MAGI3: variants seen among roughly 807,000 people sequenced by gnomAD.
The protein encoded by MAGI3 is membrane-associated guanylate kinase, WW and PDZ domain-containing protein 3.
In MAGI3, 43 loss-of-function variants were observed where a neutral mutation model predicts 121.8. The ratio of observed to expected loss-of-function variants is 0.35; its 90% confidence interval spans 0.28 to 0.46. The LOEUF is 0.46. Among genes scored for constraint, MAGI3 ranks in the 20% least tolerant of loss-of-function variants. The pLI, the probability that MAGI3 is intolerant of heterozygous loss-of-function variation, is 1.00. For missense variants in MAGI3, 1,547 were observed against 1,797.3 expected (o/e 0.86, Z 2.52); for synonymous variants, 553 against 639.3 (o/e 0.86, Z 2.04).
At chr1:113,452,030 C>T (rs1003826795) in intron 1 of MAGI3, among the ~76,000 whole-genome samples, 13 of 152,114 alleles carry the variant, frequency 8.5e-5, no homozygotes, top group Non-Finnish European at 1.8e-4. Context: ...GCTGAAATGA[C>T]CACTTTTTGC....
At chr1:113,681,612 G>A (rs944349990) in intron 20 of MAGI3, among the ~76,000 whole-genome samples, 5 of 152,218 alleles carry the variant, frequency 3.3e-5, no homozygotes, top group Non-Finnish European at 7.3e-5. Flanking sequence ...TTAAAAAAGT[G>A]TATTAGAGGC....
intron 1 of MAGI3, among the ~76,000 whole-genome samples, chr1:113,439,561 T>A (rs1557758153): frequency 6.6e-6 from 1 of 152,186 alleles, no homozygotes; most frequent in Non-Finnish European, 1.5e-5. Context: ...TATACTGTAG[T>A]GTTTTATCAC....
rs775215022 is a variant in MAGI3 at position 113,549,595 on chromosome 1, G to A, written c.397G>A (p.Val133Met). ...ATCAATTGACCACAAACTGCAGCAA[G>A]TGATCAGAGATAATCTCTACTTGAG... Reference protein sequence around the residue: ...KGSIDHKLQQVIRDNLYLRTI... With the variant: ...KGSIDHKLQQMIRDNLYLRTI... The change falls in exon 2 of 21, where the codon GTG (valine) becomes ATG (methionine). Residue 133 changes from valine (V) to methionine (M), a missense_variant. By Grantham distance (21) the Val-to-Met change is conservative. Transcript: ENST00000307546. 6.2e-7 allele frequency: 1 copy of A among 1,607,762 alleles called. No homozygotes were observed. The highest frequency in any genetic ancestry group is 1.1e-5 in the South Asian group (1 of 89,918).
In MAGI3 at chr1:113,599,491, G is replaced by A. The variant is rs1425197843; in HGVS notation, c.1018+4931G>A. On this transcript the variant is annotated intron_variant, in intron 6 of 20. Transcript: ENST00000307546. Reference sequence around the variant, plus strand: ...TCTAGAAGAAATGGATAAATTCCTCGACACATACACCCTCCCAAGACTAAA... The same window carrying A: ...TCTAGAAGAAATGGATAAATTCCTCAACACATACACCCTCCCAAGACTAAA... Among the ~76,000 whole-genome samples, 10 of 152,038 alleles carry A rather than the reference G, an allele frequency of 6.6e-5. No homozygotes were observed. The East Asian group carries it at 1.7e-3, about 26-fold the overall frequency.
chr1:113,493,995 A>G (rs888945750), intron 1 of MAGI3, among the ~76,000 whole-genome samples: 11 of 152,238 alleles, frequency 7.2e-5, no homozygotes, highest in Non-Finnish European at 1.5e-4. Flanking sequence ...CAGAAATGCC[A>G]TTTGACTCAT....
At chr1:113,676,830 G>A (rs910080007) in intron 19 of MAGI3, among the ~76,000 whole-genome samples, 7 of 151,970 alleles carry the variant, frequency 4.6e-5, no homozygotes, top group African/African-American at 9.7e-5. Context: ...CTATTATTCC[G>A]TATCTCCAGC....
chr1:113,473,954 C>G (rs1254581495), intron 1 of MAGI3, among the ~76,000 whole-genome samples: 4 of 152,272 alleles, frequency 2.6e-5, no homozygotes, highest in Admixed American at 6.5e-5. Flanking sequence ...TTAATGATTG[C>G]CATTCTAACT....
At chr1:113,525,382 G>T (rs1658403335) in intron 1 of MAGI3, among the ~76,000 whole-genome samples, 1 of 151,696 alleles carries the variant, frequency 6.6e-6, no homozygotes, top group South Asian at 2.1e-4. Context: ...CTGTCTTCTT[G>T]TGACTTTGAC....
chr1:113,424,290 A>G (rs926064245), intron 1 of MAGI3, among the ~76,000 whole-genome samples: 4 of 145,714 alleles, frequency 2.7e-5, no homozygotes, highest in South Asian at 4.3e-4. Context: ...ATTTAGTTCT[A>G]TACAATGTTG....
chr1:113,567,130 G>T (rs1161354876), intron 2 of MAGI3, among the ~76,000 whole-genome samples: 1 of 151,500 alleles, frequency 6.6e-6, no homozygotes, highest in Non-Finnish European at 1.5e-5. Flanking sequence ...GAAATGAAAA[G>T]AATTATAAAG....
At chr1:113,462,833 A>G (rs1655099582) in intron 1 of MAGI3, among the ~76,000 whole-genome samples, 1 of 152,172 alleles carries the variant, frequency 6.6e-6, no homozygotes, top group East Asian at 1.9e-4. Context: ...TTTTAAAAAT[A>G]TAGTTGGGAA....
At chr1:113,599,295 A>G (rs966432662) in intron 6 of MAGI3, among the ~76,000 whole-genome samples, 1 of 152,164 alleles carries the variant, frequency 6.6e-6, no homozygotes, top group Non-Finnish European at 1.5e-5. Flanking sequence ...GTTTTTTGAA[A>G]GGATCAACAA....
chr1:113,463,533 T>A (rs1273313440), intron 1 of MAGI3, among the ~76,000 whole-genome samples: 1 of 152,104 alleles, frequency 6.6e-6, no homozygotes, highest in Non-Finnish European at 1.5e-5. Flanking sequence ...TTGACTTTTT[T>A]AAGAATAGGG....
At chr1:113,591,366 A>G (rs997098576) in intron 5 of MAGI3, among the ~76,000 whole-genome samples, 2 of 152,158 alleles carry the variant, frequency 1.3e-5, no homozygotes, top group African/African-American at 4.8e-5. Context: ...CAAAGGTAGA[A>G]TATTAATGTA....
intron 1 of MAGI3, among the ~76,000 whole-genome samples, chr1:113,430,530 T>G (rs1557753025): frequency 6.6e-6 from 1 of 152,208 alleles, no homozygotes; most frequent in Non-Finnish European, 1.5e-5. Context: ...ACAATAGAAT[T>G]GCTGTTTAAT....
chr1:113,476,515 C>T (rs1655828717), intron 1 of MAGI3, among the ~76,000 whole-genome samples: 1 of 152,134 alleles, frequency 6.6e-6, no homozygotes, highest in Admixed American at 6.6e-5. Context: ...GTTCAGTTTC[C>T]ATGAAGTTGT....
intron 9 of MAGI3, among the ~76,000 whole-genome samples, chr1:113,623,520 C>T (rs555433428): frequency 3.9e-4 from 50 of 128,876 alleles, no homozygotes; most frequent in Admixed American, 2.3e-4. Context: ...CGGAGTCTTG[C>T]TCTGTCGCCC....
chr1:113,613,825 A>G (rs1650306399), intron 6 of MAGI3, among the ~76,000 whole-genome samples: 1 of 152,190 alleles, frequency 6.6e-6, no homozygotes. Flanking sequence ...TTTACAAGGA[A>G]TGCAGACAAA....
chr1:113,612,843 G>A (rs1344754616), intron 6 of MAGI3, among the ~76,000 whole-genome samples: 3 of 152,060 alleles, frequency 2.0e-5, no homozygotes, highest in Non-Finnish European at 4.4e-5. Context: ...CTTACTATTA[G>A]TACATCCCTT....
Sources: allele counts gnomAD v4.1 joint callset (sites outside exome capture counted in the v4.1 genomes callset), GRCh38; gene constraint gnomAD v4.1.1; transcripts MANE v1.5; gene names NCBI Gene and HGNC (gene_info 2026-07-23, HGNC 2026-07-21).